Variants in ITIH6 observed in about 807,000 individuals in gnomAD.
The protein encoded by ITIH6 is inter-alpha-trypsin inhibitor heavy chain H6.
A neutral mutation model predicts 58.2 loss-of-function variants in ITIH6; 60 were observed. The observed-to-expected ratio is 1.03, with a 90% confidence interval of 0.84 to 1.28. The LOEUF (loss-of-function observed/expected upper bound fraction) is 1.28. Among genes scored for constraint, ITIH6 ranks in the 50% most tolerant of loss-of-function variants. The probability of loss-of-function intolerance (pLI) is 0.00; values close to 1 mark genes in which losing one functional copy is unlikely to be tolerated. For missense variants in ITIH6, 1,290 were observed against 1,021.1 expected, an observed-to-expected ratio of 1.26 and a Z score of -3.59; for synonymous variants, 493 against 417.4, an observed-to-expected ratio of 1.18 and a Z score of -2.21.
intron 5 of ITIH6, among the ~76,000 whole-genome samples, chrX:54,774,549 G>T (rs749451510): frequency 2.7e-4 from 30 of 112,928 alleles, no homozygotes; most frequent in African/African-American, 9.6e-4. Flanking sequence ...ATTTTGCCTG[G>T]GCTGCAGGAA....
In ITIH6 at chrX:54,757,281, A is replaced by G; in HGVS notation, c.2793T>C (p.Phe931=). Residue 931 remains phenylalanine, a synonymous_variant, in exon 8 of 13, where the codon TTT becomes TTC. Transcript: ENST00000218436. ...ACCTTCCAGGGGGCAGAGTGGGAGT[A>G]AAGGGCATGGGGAGGGGTTCTCCAA... ...SVLGEPLPMP[F]TPTLPPGRFW... 1 of 1,192,929 alleles carries G rather than the reference A, an allele frequency of 8.4e-7. No individual in the cohort carries two copies. The highest frequency in any genetic ancestry group is 1.1e-6 in the Non-Finnish European group (1 of 886,047).
At position 54,761,530 on chromosome X, in the gene ITIH6, G is replaced by A. The variant is rs1928644931; in HGVS notation, c.904-1603C>T. On this transcript the variant is annotated intron_variant, in intron 6 of 12. Coordinates refer to ENST00000218436, the MANE Select transcript of ITIH6 (RefSeq NM_198510.3). ...CCTTGCCCATGCCTACGTCCTGAAT[G>A]GTATTGCCTAGGTTTTCTTCTAGGG... Among the ~76,000 whole-genome samples, 3 of 111,295 alleles carry A rather than the reference G, an allele frequency of 2.7e-5. No individual in the cohort carries two copies. In the South Asian group the frequency reaches 1.1e-3, roughly 42 times the overall value.
chrX:54,762,189 T>G (rs1436011552), intron 6 of ITIH6, among the ~76,000 whole-genome samples: 3 of 111,807 alleles, frequency 2.7e-5, no homozygotes, highest in Non-Finnish European at 5.6e-5. Context: ...TATTTTATTC[T>G]CTTTGAAGCA....
Position 54,757,105 on chromosome X carries a change from G to A in ITIH6, c.2969C>T (p.Ser990Phe), listed in dbSNP as rs779630244. The A allele has an allele frequency of 1.2e-5, 14 of 1,211,740 alleles. No homozygotes were observed. The South Asian group carries it at 2.5e-4, about 21-fold the overall frequency. ...ACTGATGGCCTCAGGGAGGATGCTA[G>A]AAGGCAGCAAGATTGGCAGGTTTGG... ...SPPNLPILLP[S>F]SILPEAISLL... Residue 990 changes from serine (S) to phenylalanine (F), a missense_variant, in exon 8 of 13, where the codon TCT becomes TTT. Physicochemically the swap from Ser to Phe is radical, Grantham distance 155 (BLOSUM62 -2). Coordinates refer to ENST00000218436, the MANE Select transcript of ITIH6 (RefSeq NM_198510.3).
chrX:54,783,631 G>A (rs1229834217), intron 5 of ITIH6, among the ~76,000 whole-genome samples: 1 of 111,609 alleles, frequency 9.0e-6, no homozygotes, highest in Non-Finnish European at 1.9e-5. Flanking sequence ...CTTAACCAAA[G>A]AAGTGAAACA....
At chrX:54,780,664 A>T (rs766913609) in intron 5 of ITIH6, among the ~76,000 whole-genome samples, 1 of 111,727 alleles carries the variant, frequency 9.0e-6, no homozygotes, top group Non-Finnish European at 1.9e-5. Context: ...ACTAATAAAG[A>T]TTAGAGCACA....
chrX:54,778,238 A>G (rs1228108973), intron 5 of ITIH6, among the ~76,000 whole-genome samples: 1 of 94,647 alleles, frequency 1.1e-5, no homozygotes, highest in Non-Finnish European at 2.0e-5. Flanking sequence ...TCCGTCACCC[A>G]GGCTGGAGTG....
chrX:54,794,429 G>GC (rs761443368), intron 2 of ITIH6, among the ~76,000 whole-genome samples: 2 of 111,156 alleles, frequency 1.8e-5, no homozygotes, highest in Admixed American at 9.5e-5. Flanking sequence ...TCTCTGGTTA[G>GC]CCCCCCATAG....
chrX:54,792,177 C>A, intron 2 of ITIH6, 141 bp from the exon 3 acceptor site: 1 of 421,609 alleles, frequency 2.4e-6, no homozygotes, highest in Non-Finnish European at 4.1e-6. Flanking sequence ...CATAAAGCCC[C>A]AGTGTGAGCG....
chrX:54,775,273 T>C (rs1929030727), intron 5 of ITIH6, among the ~76,000 whole-genome samples: 1 of 111,541 alleles, frequency 9.0e-6, no homozygotes, highest in Non-Finnish European at 1.9e-5. Context: ...AAAATCATGC[T>C]TATCTTTCCC....
intron 2 of ITIH6, among the ~76,000 whole-genome samples, chrX:54,796,598 C>T (rs952169504): frequency 9.2e-6 from 1 of 108,781 alleles, no homozygotes; most frequent in Admixed American, 9.9e-5. Context: ...GTAGGAGAAT[C>T]GCTTGAACCT....
rs745309235 is a variant in ITIH6, at chrX:54,757,803, C to A, written c.2271G>T (p.Arg757Ser). Residue 757 changes from arginine to serine, a missense_variant, in exon 8 of 13, where the codon AGG (arginine) becomes AGT (serine). Arg to Ser is a moderately radical substitution (Grantham distance 110). Transcript: ENST00000218436. Reference protein sequence around the residue: ...QNPDILPTNSRTQVPPVKPGI... With the variant: ...QNPDILPTNSSTQVPPVKPGI... ...CAGGTTTCACAGGTGGGACTTGTGT[C>A]CTGGAGTTCGTGGGTAATATATCAG... 8.3e-7 allele frequency: 1 copy of A among 1,210,950 alleles called. No individual in the cohort carries two copies. Among genetic ancestry groups the A allele is most frequent in the Admixed American group, 2.2e-5 (1 of 45,997 alleles).
At chrX:54,781,942 G>A (rs1929157154) in intron 5 of ITIH6, among the ~76,000 whole-genome samples, 1 of 111,806 alleles carries the variant, frequency 8.9e-6, no homozygotes, top group Non-Finnish European at 1.9e-5. Flanking sequence ...GAACAGAGAA[G>A]AAGCTGGAGG....
intron 5 of ITIH6, among the ~76,000 whole-genome samples, chrX:54,774,831 TC>T (rs1929022591): frequency 9.0e-6 from 1 of 111,519 alleles, no homozygotes; most frequent in Non-Finnish European, 1.9e-5. Flanking sequence ...CTGCAGAGCC[TC>T]GGGGCTGGGA....
intron 2 of ITIH6, among the ~76,000 whole-genome samples, chrX:54,793,143 T>TTTA (rs1929378789): frequency 9.0e-6 from 1 of 111,473 alleles, no homozygotes; most frequent in Non-Finnish European, 1.9e-5. Flanking sequence ...TTTTTTAAAT[T>TTTA]TTATTATTAT....
chrX:54,782,478 T>C (rs1385038391), intron 5 of ITIH6, among the ~76,000 whole-genome samples: 1 of 111,058 alleles, frequency 9.0e-6, no homozygotes, highest in East Asian at 2.8e-4. Flanking sequence ...AATACTGGGG[T>C]GACAACATGG....
Position 54,758,884 on chromosome X carries a change from T to C in ITIH6, c.1190A>G (p.Asp397Gly), listed in dbSNP as rs775968566. The stretch of plus-strand genomic sequence containing the variant: ...CGTCACGCCGGCCGTGGGCTCCCCA[T>C]CCGTCAGGAAGATGATAAGAGGGAT... ...GRIPLIIFLTDGEPTAGVTTP... is the reference protein window; with the variant it reads ...GRIPLIIFLTGGEPTAGVTTP... Residue 397 changes from aspartate (D) to glycine (G), a missense_variant, in exon 8 of 13, where the codon GAT (aspartate) becomes GGT (glycine). Asp to Gly is a moderately conservative substitution (Grantham distance 94). Coordinates refer to ENST00000218436, the MANE Select transcript of ITIH6 (RefSeq NM_198510.3). 9.1e-6 allele frequency: 11 copies of C among 1,208,986 alleles called. No homozygotes were observed. The highest frequency in any genetic ancestry group is 8.8e-5 in the African/African-American group (5 of 57,050).
intron 6 of ITIH6, among the ~76,000 whole-genome samples, chrX:54,766,907 A>G (rs1928802240): frequency 9.3e-6 from 1 of 107,141 alleles, no homozygotes; most frequent in Admixed American, 1.0e-4. Flanking sequence ...GCCTCATGAA[A>G]TGAGTTAGGG....
rs1426525357 is a variant in ITIH6, at chrX:54,758,983, G to C, written c.1091C>G (p.Ser364Ter). ...MEADGWTDVNSALLAAASVLN... is the reference protein window; with the variant it reads ...MEADGWTDVN The stretch of plus-strand genomic sequence containing the variant: ...CACTGAAGCAGCTGCCAGCAGAGCT[G>C]AGTTGACGTCTGTCCCTAATTGGGG... Residue 364 changes from serine to a stop codon, truncating the protein, a stop_gained, in exon 8 of 13, where the codon TCA becomes TGA. Coordinates refer to ENST00000218436, the MANE Select transcript of ITIH6 (RefSeq NM_198510.3). LOFTEE classifies it high-confidence loss of function. The C allele has an allele frequency of 8.6e-7, 1 of 1,167,707 alleles. No individual in the cohort carries two copies. Among genetic ancestry groups the C allele is most frequent in the Admixed American group, 2.4e-5 (1 of 41,209 alleles).
Sources: gnomAD v4.1 joint callset for allele counts (sites outside exome capture counted in the v4.1 genomes callset) on GRCh38, gnomAD v4.1.1 for gene constraint, MANE v1.5 for transcripts, NCBI Gene and HGNC (gene_info 2026-07-23, HGNC 2026-07-21) for gene names.